MB21D2: variants seen among roughly 807,000 people sequenced by gnomAD.
The protein encoded by MB21D2 is Mab-21 domain containing 2.
In MB21D2, 9 loss-of-function variants were observed where a neutral mutation model predicts 33.3. The observed-to-expected ratio is 0.27, with a 90% confidence interval of 0.16 to 0.47. MB21D2 has a LOEUF of 0.47. Ranked by LOEUF, MB21D2 falls within the 20% of genes least tolerant of loss-of-function variation. The pLI is 0.99. For missense variants in MB21D2, 540 were observed against 624.6 expected (o/e 0.86, Z 1.44); for synonymous variants, 241 against 236.3 (o/e 1.02, Z -0.18).
rs899665481 is a variant in MB21D2 at position 192,799,648 on chromosome 3, T to C, written c.214A>G (p.Met72Val). The change falls in exon 2 of 2, where the codon ATG becomes GTG. Residue 72 changes from methionine (M) to valine (V), a missense_variant and splice_region_variant. Transcript: ENST00000392452. This position sits in a 1 kb window ranked among gnomAD's most constrained non-coding sequence, Gnocchi z 4.1. ...AGCTTTTGGTCCAGCTTTTGCACCA[T>C]TCCTGGAAATAAAGAAGAAAAAAAC... ...AKDFIFSMLG[M>V]VQKLDQKLPV... is the part of the protein sequence containing the mutation. 3.7e-6 allele frequency: 6 copies of C among 1,609,052 alleles called. No homozygotes were observed. Among genetic ancestry groups the C allele is most frequent in the Admixed American group, 1.7e-5 (1 of 58,900 alleles).
chr3:192,881,515 G>A (rs1300413836), intron 1 of MB21D2, among the ~76,000 whole-genome samples: 2 of 152,058 alleles, frequency 1.3e-5, no homozygotes, highest in East Asian at 1.9e-4. Flanking sequence ...TACCCTAAAC[G>A]TATAGCTTTG....
chr3:192,841,698 A>T lies in MB21D2; in HGVS notation c.212-42048T>A, dbSNP rs116595010. ...CCACTCCCAGATTCCTGACCCTCGG[A>T]AACTATGGGAGATAATATGTATTTG... is the stretch of plus-strand genomic sequence containing the variant. On this transcript the variant is annotated intron_variant, in intron 1 of 1. Transcript: ENST00000392452. Among the ~76,000 whole-genome samples the T allele has an allele frequency of 2.8e-3, 431 of 152,366 alleles. 2 individuals are homozygous for T. Among genetic ancestry groups the T allele is most frequent in the African/African-American group, 0.01 (420 of 41,586 alleles).
At chr3:192,879,130 A>T (rs546478809) in intron 1 of MB21D2, among the ~76,000 whole-genome samples, 1 of 152,228 alleles carries the variant, frequency 6.6e-6, no homozygotes, top group African/African-American at 2.4e-5. Flanking sequence ...TCTAAAATCC[A>T]CACATCAGGG....
intron 1 of MB21D2, among the ~76,000 whole-genome samples, chr3:192,909,519 T>C (rs1714292861): frequency 6.6e-6 from 1 of 152,196 alleles, no homozygotes; most frequent in South Asian, 2.1e-4. Context: ...TCTATATTTA[T>C]AATGAAAGAA....
chr3:192,884,562 T>G (rs1269408552), intron 1 of MB21D2, among the ~76,000 whole-genome samples: 2 of 151,762 alleles, frequency 1.3e-5, no homozygotes, highest in East Asian at 1.9e-4. Context: ...AGAGACGGGG[T>G]TTCACCGTGT....
rs78697735 is a variant in MB21D2 at position 192,863,486 on chromosome 3, G to A, written c.211+54144C>T. On this transcript the variant is annotated intron_variant, in intron 1 of 1. Transcript: ENST00000392452. ...ATCAAAAGGAACGTTAGCACATGGT[G>A]TAAGTTTAGTTTTTTTTCTTTTTAA... 5.3e-3 allele frequency among the ~76,000 whole-genome samples: 803 copies of A among 152,304 alleles called. 7 individuals are homozygous for A. Among genetic ancestry groups the A allele is most frequent in the African/African-American group, 0.018 (765 of 41,552 alleles).
At chr3:192,822,679 A>T (rs1479264867) in intron 1 of MB21D2, among the ~76,000 whole-genome samples, 1 of 152,174 alleles carries the variant, frequency 6.6e-6, no homozygotes, top group African/African-American at 2.4e-5. Flanking sequence ...TCTGCGTGCA[A>T]AACAGAAATA....
intron 1 of MB21D2, among the ~76,000 whole-genome samples, chr3:192,852,748 G>A (rs1712833752): frequency 6.6e-6 from 1 of 152,128 alleles, no homozygotes; most frequent in African/African-American, 2.4e-5. Flanking sequence ...TCAGTTGACT[G>A]GCAAATCCTC....
At chr3:192,822,315 T>G (rs1712077514) in intron 1 of MB21D2, among the ~76,000 whole-genome samples, 1 of 152,198 alleles carries the variant, frequency 6.6e-6, no homozygotes. Context: ...TTCACTTCAA[T>G]TACTGGTTTC....
In MB21D2 at chr3:192,798,674, G is replaced by T; in HGVS notation, c.1188C>A (p.His396Gln). ...EHLSEETVML[H>Q]ARKLSSVRSD... ...AGCGCACAGAGGACAGCTTCCGGGC[G>T]TGAAGCATGACTGTCTCCTCAGACA... Residue 396 changes from histidine to glutamine, a missense_variant, in exon 2 of 2, where the codon CAC becomes CAA. Physicochemically the swap from His to Gln is conservative, Grantham distance 24. Coordinates refer to ENST00000392452, the MANE Select transcript of MB21D2 (RefSeq NM_178496.4). This position sits in a 1 kb window ranked among gnomAD's most constrained non-coding sequence, Gnocchi z 4.8. The T allele has an allele frequency of 6.8e-6, 11 of 1,613,342 alleles. No individual in the cohort carries two copies. The highest frequency in any genetic ancestry group is 8.5e-6 in the Non-Finnish European group (10 of 1,180,028).
intron 1 of MB21D2, among the ~76,000 whole-genome samples, chr3:192,898,746 ATT>A (rs1577200683): frequency 1.3e-5 from 2 of 152,364 alleles, no homozygotes; most frequent in East Asian, 3.9e-4. Flanking sequence ...ACAATTGCAA[ATT>A]CATAACCGAC....
intron 1 of MB21D2, among the ~76,000 whole-genome samples, chr3:192,830,340 T>A (rs1415444199): frequency 2.0e-5 from 3 of 151,918 alleles, no homozygotes; most frequent in Non-Finnish European, 4.4e-5. Context: ...GAATAATGCA[T>A]TGACACGTTT....
intron 1 of MB21D2, among the ~76,000 whole-genome samples, chr3:192,903,155 C>G (rs1400996259): frequency 6.6e-6 from 1 of 152,200 alleles, no homozygotes; most frequent in Non-Finnish European, 1.5e-5. Flanking sequence ...AGTGACTTCC[C>G]CTGTCTTCAA....
Position 192,798,431 on chromosome 3 carries a change from G to T in MB21D2, c.1431C>A (p.Asp477Glu). ...GKSISVFINP[D>E]DVTRPHFRID... ...TTCTGAAATGGGGCCTTGTGACATC[G>T]TCAGGATTGATAAAGACAGAGATTG... Residue 477 changes from aspartate (D) to glutamate (E), a missense_variant, in exon 2 of 2, where the codon GAC becomes GAA. Asp to Glu is a conservative substitution (Grantham distance 45, BLOSUM62 2). Coordinates refer to ENST00000392452, the MANE Select transcript of MB21D2 (RefSeq NM_178496.4). The surrounding 1 kb of genome is among the most constrained non-coding windows in gnomAD (Gnocchi z 4.8). 1 of 1,614,146 alleles carries T rather than the reference G, an allele frequency of 6.2e-7. No individual in the cohort carries two copies. Among genetic ancestry groups the T allele is most frequent in the Non-Finnish European group, 8.5e-7 (1 of 1,180,034 alleles).
chr3:192,893,072 G>A (rs1560253034), intron 1 of MB21D2, among the ~76,000 whole-genome samples: 1 of 152,112 alleles, frequency 6.6e-6, no homozygotes, highest in Non-Finnish European at 1.5e-5. Context: ...CTTCCAAGAC[G>A]CAGTTACATT....
At chr3:192,847,298 C>A (rs951666484) in intron 1 of MB21D2, among the ~76,000 whole-genome samples, 5 of 152,180 alleles carry the variant, frequency 3.3e-5, no homozygotes, top group Admixed American at 6.5e-5. Context: ...AACACTAAAT[C>A]TGTCACACCC....
intron 1 of MB21D2, among the ~76,000 whole-genome samples, chr3:192,812,115 T>C: frequency 6.6e-6 from 1 of 152,266 alleles, no homozygotes; most frequent in East Asian, 1.9e-4. Context: ...TGGCACAATC[T>C]TGGCTCACTG....
chr3:192,798,521 G>A lies in MB21D2; in HGVS notation c.1341C>T (p.Pro447=). The change falls in exon 2 of 2, where the codon CCC becomes CCT. Residue 447 remains proline (P), a synonymous_variant. Transcript: ENST00000392452. The surrounding 1 kb of genome is among the most constrained non-coding windows in gnomAD (Gnocchi z 4.8). ...TTGCCAAACGGTCATCAGGCTGGTT[G>A]GGGTCCCCTCCGTCAGACTGTGGAG... The part of the protein sequence containing the change: ...IPSPQSDGGD[P]NQPDDRLAKK... 6.2e-7 allele frequency: 1 copy of A among 1,614,204 alleles called. No homozygotes were observed. Among genetic ancestry groups the A allele is most frequent in the East Asian group, 2.2e-5 (1 of 44,882 alleles).
intron 1 of MB21D2, among the ~76,000 whole-genome samples, chr3:192,829,384 C>T (rs1909811): frequency 0.62 from 94,328 of 152,130 alleles, 31,537 homozygotes; most frequent in African/African-American, 0.87. Context: ...AGACGAATAC[C>T]TGGAAGTGCG....
Sources: gnomAD v4.1 joint callset for allele counts (sites outside exome capture counted in the v4.1 genomes callset) on GRCh38, gnomAD v4.1.1 for gene constraint, Gnocchi (gnomAD v3.1) non-coding constraint, MANE v1.5 for transcripts, NCBI Gene and HGNC (gene_info 2026-07-23, HGNC 2026-07-21) for gene names.